The following MAF variants were observed in gnomAD, a reference collection of about 807,000 sequenced individuals.
MAF encodes the protein transcription factor Maf.
In MAF, 10 loss-of-function variants were observed where a neutral mutation model predicts 22.0. The observed-to-expected ratio is 0.45, with a 90% confidence interval of 0.28 to 0.77. The LOEUF is 0.77. Among genes scored for constraint, MAF ranks in the 30% least tolerant of loss-of-function variants. The probability of loss-of-function intolerance (pLI) is 0.12; values close to 1 mark genes in which losing one functional copy is unlikely to be tolerated. For missense variants in MAF, 544 were observed against 548.4 expected (o/e 0.99, Z 0.08); for synonymous variants, 337 against 255.8 (o/e 1.32, Z -3.03).
the MAF span, among the ~76,000 whole-genome samples, chr16:79,538,018 TTATC>T: frequency 1.3e-5 from 2 of 152,224 alleles, no homozygotes; most frequent in Non-Finnish European, 2.9e-5. Context: ...ATTTGAGTCT[TTATC>T]TGTCTGGCTG....
chr16:79,256,554 G>A, the MAF span, among the ~76,000 whole-genome samples: 1,431 of 152,234 alleles, frequency 9.4e-3, 29 homozygotes, highest in African/African-American at 0.033. Flanking sequence ...GACACACCAG[G>A]AGCGTACCTG....
the MAF span, among the ~76,000 whole-genome samples, chr16:79,396,876 G>T: frequency 6.6e-6 from 1 of 152,228 alleles, no homozygotes; most frequent in Non-Finnish European, 1.5e-5. Flanking sequence ...AACACACATT[G>T]TAAGCACTCC....
At chr16:79,342,205 C>T in the MAF span, among the ~76,000 whole-genome samples, 3 of 152,298 alleles carry the variant, frequency 2.0e-5, no homozygotes, top group East Asian at 5.8e-4. Flanking sequence ...CAGCTCTCTC[C>T]CACTTGGAAG....
At chr16:79,547,848 C>T in the MAF span, among the ~76,000 whole-genome samples, 12 of 151,574 alleles carry the variant, frequency 7.9e-5, no homozygotes, top group Admixed American at 5.9e-4. Context: ...TCACTGCTTT[C>T]GTCTGCAAAC....
chr16:79,303,812 G>T, the MAF span, among the ~76,000 whole-genome samples: 2 of 152,094 alleles, frequency 1.3e-5, no homozygotes, highest in South Asian at 4.1e-4. Flanking sequence ...AAGCAAGTTA[G>T]GACCATCAGA....
the MAF span, chr16:79,211,685 C>A: frequency 6.2e-7 from 1 of 1,614,244 alleles, no homozygotes; most frequent in East Asian, 2.2e-5. Flanking sequence ...ACTTCAACAA[C>A]TGCTGCCGCT....
chr16:79,224,236 A>G, the MAF span, among the ~76,000 whole-genome samples: 3 of 152,224 alleles, frequency 2.0e-5, no homozygotes, highest in Non-Finnish European at 4.4e-5. Context: ...AATCCATCAC[A>G]TAAACAGAAC....
chr16:79,487,242 T>C, the MAF span, among the ~76,000 whole-genome samples: 1 of 152,002 alleles, frequency 6.6e-6, no homozygotes, highest in Admixed American at 6.6e-5. Flanking sequence ...TGACTCCAGT[T>C]TCGTGAAGTT....
the MAF span, among the ~76,000 whole-genome samples, chr16:79,292,203 AT>A: frequency 1.3e-5 from 2 of 152,282 alleles, no homozygotes; most frequent in South Asian, 4.1e-4. Flanking sequence ...TTATTTGGAA[AT>A]AGTGTCTTTG....
At chr16:79,544,704 C>T in the MAF span, among the ~76,000 whole-genome samples, 117 of 147,356 alleles carry the variant, frequency 7.9e-4, no homozygotes, top group African/African-American at 2.6e-3. Flanking sequence ...ACCCAGGAGG[C>T]GGACCTCACA....
the MAF span, among the ~76,000 whole-genome samples, chr16:79,246,058 G>A: frequency 6.6e-6 from 1 of 152,216 alleles, no homozygotes. Flanking sequence ...GGCCTGTCAG[G>A]GGGTGAGGGG....
chr16:79,592,912 T>A (rs1265300993), downstream of MAF, among the ~76,000 whole-genome samples: 1 of 152,168 alleles, frequency 6.6e-6, no homozygotes, highest in Non-Finnish European at 1.5e-5. Context: ...AGCTGGTAAA[T>A]CTCACTTCCT....
the MAF span, among the ~76,000 whole-genome samples, chr16:79,457,063 G>C: frequency 7.9e-5 from 12 of 152,204 alleles, no homozygotes; most frequent in South Asian, 2.1e-3. Context: ...AGAGATGGTG[G>C]TCATTGCTGT....
the MAF span, among the ~76,000 whole-genome samples, chr16:79,244,661 C>T: frequency 7.2e-5 from 11 of 152,042 alleles, no homozygotes; most frequent in Non-Finnish European, 1.5e-4. Flanking sequence ...TTTATAGATT[C>T]AGTGCTATCC....
the MAF span, among the ~76,000 whole-genome samples, chr16:79,396,717 G>A: frequency 2.0e-5 from 3 of 152,330 alleles, no homozygotes; most frequent in Non-Finnish European, 4.4e-5. Flanking sequence ...AGTCACTGGA[G>A]CATCTTTCAA....
At chr16:79,316,080 T>TC in the MAF span, among the ~76,000 whole-genome samples, 1 of 152,238 alleles carries the variant, frequency 6.6e-6, no homozygotes, top group South Asian at 2.1e-4. Context: ...TGCATAACCT[T>TC]ATTATGCAAA....
At chr16:79,462,603 A>G in the MAF span, among the ~76,000 whole-genome samples, 1 of 152,224 alleles carries the variant, frequency 6.6e-6, no homozygotes, top group Non-Finnish European at 1.5e-5. Flanking sequence ...ATACATTTGT[A>G]CATGTGCAAA....
chr16:79,375,054 A>C, the MAF span, among the ~76,000 whole-genome samples: 2 of 152,186 alleles, frequency 1.3e-5, no homozygotes, highest in African/African-American at 4.8e-5. Flanking sequence ...CATGGGGCTG[A>C]GATGGAGTAA....
the MAF span, among the ~76,000 whole-genome samples, chr16:79,311,321 G>T: frequency 5.9e-5 from 9 of 151,932 alleles, no homozygotes. Context: ...AGAGTGTCAC[G>T]CAGGTATTGG....
Sources: gnomAD v4.1 joint callset for allele counts (sites outside exome capture counted in the v4.1 genomes callset) on GRCh38, gnomAD v4.1.1 for gene constraint, MANE v1.5 for transcripts, NCBI Gene and HGNC (gene_info 2026-07-23, HGNC 2026-07-21) for gene names.